CAPSL: variants seen among roughly 807,000 people sequenced by gnomAD.
CAPSL encodes calcyphosine like.
A neutral mutation model predicts 21.3 loss-of-function variants in CAPSL; 17 were observed. The observed-to-expected ratio is 0.80, with a 90% CI of 0.55 to 1.20. The LOEUF (loss-of-function observed/expected upper bound fraction) is 1.20. Among genes scored for constraint, CAPSL ranks in the 50% most tolerant of loss-of-function variants. CAPSL has a pLI of 0.00. For synonymous variants in CAPSL, 102 were observed against 89.3 expected (o/e 1.14, Z -0.80); for missense variants, 289 against 259.3 (o/e 1.11, Z -0.79).
intron 2 of CAPSL, among the ~76,000 whole-genome samples, 187 bp downstream of exon 2, chr5:35,920,797 G>A (rs893833405): frequency 1.3e-5 from 2 of 152,112 alleles, no homozygotes; most frequent in African/African-American, 4.8e-5. Flanking sequence ...CCGAATCTGG[G>A]ACTAAGATCC....
At chr5:35,912,022 C>T (rs555539019) in intron 2 of CAPSL, among the ~76,000 whole-genome samples, 2 of 152,326 alleles carry the variant, frequency 1.3e-5, no homozygotes, top group Non-Finnish European at 2.9e-5. Flanking sequence ...TAATACTATG[C>T]TTTTCCAACA....
chr5:35,930,830 C>T (rs1738802058), intron 1 of CAPSL, among the ~76,000 whole-genome samples: 1 of 152,168 alleles, frequency 6.6e-6, no homozygotes, highest in African/African-American at 2.4e-5. Flanking sequence ...CCACTTTCTA[C>T]TGGGTAGGCA....
At position 35,930,467 on chromosome 5, in the gene CAPSL, T is replaced by A. The variant is rs190179615; in HGVS notation, c.-1+8074A>T. On this transcript the variant is annotated intron_variant, in intron 1 of 4. Transcript: ENST00000651391. The stretch of plus-strand genomic sequence containing the variant: ...TTATTCACTGAACCAGGGTTGGGGC[T>A]AGGGCTAAGTAAGAGAAAGGCACAA... Among the ~76,000 whole-genome samples the A allele has an allele frequency of 2.0e-5, 3 of 152,340 alleles. No individual in the cohort carries two copies. In the East Asian group the frequency reaches 5.8e-4, roughly 29 times the overall value.
chr5:35,915,466 A>G (rs1738353840), intron 2 of CAPSL, among the ~76,000 whole-genome samples: 1 of 152,214 alleles, frequency 6.6e-6, no homozygotes, highest in South Asian at 2.1e-4. Flanking sequence ...CCTCAATAAA[A>G]TACTGGCAAA....
chr5:35,921,469 G>C (rs975660767), intron 1 of CAPSL, among the ~76,000 whole-genome samples: 5 of 152,090 alleles, frequency 3.3e-5, no homozygotes, highest in African/African-American at 4.8e-5. Flanking sequence ...ATTTTATGTA[G>C]AATTTTCCAT....
chr5:35,910,053 T>C lies in CAPSL; in HGVS notation c.338A>G (p.Lys113Arg), dbSNP rs1177182624. The change falls in exon 4 of 5, where the codon AAA becomes AGA. Residue 113 changes from lysine (K) to arginine (R), a missense_variant. Lys to Arg is a conservative substitution (Grantham distance 26). Transcript: ENST00000651391. ...TLRPPMSRAR[K>R]EVIMQAFRKL... ...TCTAAAAGCTTGCATGATTACCTCT[T>C]TTCTGGCTCTGGACATTGGAGGCTA... 2 of 1,611,970 alleles carry C rather than the reference T, an allele frequency of 1.2e-6. No individual in the cohort carries two copies. Among genetic ancestry groups the C allele is most frequent in the Non-Finnish European group, 1.7e-6 (2 of 1,179,310 alleles).
intron 1 of CAPSL, among the ~76,000 whole-genome samples, chr5:35,928,436 A>G (rs759756143): frequency 6.6e-6 from 1 of 152,214 alleles, no homozygotes; most frequent in Non-Finnish European, 1.5e-5. Context: ...TGGCTTCTGC[A>G]GTACACAGAA....
intron 1 of CAPSL, among the ~76,000 whole-genome samples, chr5:35,926,089 A>C (rs113850317): frequency 0.13 from 20,040 of 151,350 alleles, 1,528 homozygotes; most frequent in Non-Finnish European, 0.18. Context: ...AAAAAAAAAA[A>C]AAAAACGAAA....
At chr5:35,937,399 C>G (rs1738978833) in intron 1 of CAPSL, among the ~76,000 whole-genome samples, 1 of 152,198 alleles carries the variant, frequency 6.6e-6, no homozygotes, top group Non-Finnish European at 1.5e-5. Flanking sequence ...TGCATCTCTA[C>G]TCACTCACAT....
chr5:35,938,281 C>T (rs1561447106), intron 1 of CAPSL, among the ~76,000 whole-genome samples: 1 of 152,136 alleles, frequency 6.6e-6, no homozygotes, highest in African/African-American at 2.4e-5. Context: ...TTACTTCCTT[C>T]CCCTTTACTG....
At position 35,910,350 on chromosome 5, in the gene CAPSL, T is replaced by C. The variant is rs372030340; in HGVS notation, c.315+16A>G. On this transcript the variant is annotated intron_variant, in intron 3 of 4. Coordinates refer to ENST00000651391, the MANE Select transcript of CAPSL (RefSeq NM_001042625.2). Reference sequence around the variant, plus strand: ...AGCCAAACTCAGCAGATACACTGATTAATGGGGCCACTTACTCTTAATGTG... The same window carrying C: ...AGCCAAACTCAGCAGATACACTGATCAATGGGGCCACTTACTCTTAATGTG... 1.2e-6 allele frequency: 2 copies of C among 1,610,164 alleles called. No homozygotes were observed. The highest frequency in any genetic ancestry group is 2.7e-5 in the African/African-American group (2 of 74,782).
chr5:35,909,833 G>A, intron 4 of CAPSL, 33 bp downstream of exon 4: 1 of 1,558,748 alleles, frequency 6.4e-7, no homozygotes, highest in Non-Finnish European at 8.7e-7. Flanking sequence ...TCGAATTGAA[G>A]AAATTTCCCC....
intron 2 of CAPSL, among the ~76,000 whole-genome samples, chr5:35,915,670 C>T (rs957151275): frequency 1.3e-5 from 2 of 152,160 alleles, no homozygotes; most frequent in Non-Finnish European, 2.9e-5. Flanking sequence ...ACCCTTCATG[C>T]TAAAAACTCT....
chr5:35,912,086 C>A (rs1738241161), intron 2 of CAPSL, among the ~76,000 whole-genome samples: 1 of 152,116 alleles, frequency 6.6e-6, no homozygotes, highest in Non-Finnish European at 1.5e-5. Context: ...CTCGGAGGAT[C>A]CGACACCCAC....
chr5:35,909,903 A>C lies in CAPSL; in HGVS notation c.488T>G (p.Leu163Arg). The C allele has an allele frequency of 6.2e-7, 1 of 1,613,730 alleles. No homozygotes were observed. Among genetic ancestry groups the C allele is most frequent in the Non-Finnish European group, 8.5e-7 (1 of 1,179,866 alleles). Reference sequence around the variant, plus strand: ...GTCATAGGGTGAATCAAAGTTATCCAGAAATTTCCTAAATACTTGTTCCTC... The same window carrying C: ...GTCATAGGGTGAATCAAAGTTATCCCGAAATTTCCTAAATACTTGTTCCTC... ...WSEEQVFRKF[L>R]DNFDSPYDKD... Residue 163 changes from leucine to arginine, a missense_variant, in exon 4 of 5, where the codon CTG becomes CGG. By Grantham distance (102) the Leu-to-Arg change is moderately radical. Transcript: ENST00000651391.
At position 35,904,549 on chromosome 5, in the gene CAPSL, A is replaced by G. The variant is rs762037423; in HGVS notation, c.623T>C (p.Leu208Pro). The change falls in exon 5 of 5, where the codon CTT (leucine) becomes CCT (proline). Residue 208 changes from leucine (L) to proline (P), a missense_variant. Transcript: ENST00000651391. ...CCTGGTCCCCAGGTCATGTGCTTAA[A>G]GCTTCCAGGCGGTTCTCATCATGAT... ...FIIMMRTAWK[L>P] 10 of 1,613,244 alleles carry G rather than the reference A, an allele frequency of 6.2e-6. No individual in the cohort carries two copies. The highest frequency in any genetic ancestry group is 8.5e-6 in the Non-Finnish European group (10 of 1,179,374).
intron 2 of CAPSL, among the ~76,000 whole-genome samples, chr5:35,915,559 C>T (rs4484457): frequency 0.39 from 58,643 of 152,020 alleles, 13,094 homozygotes; most frequent in East Asian, 0.66. Flanking sequence ...GTTCAACATA[C>T]GCAAATCAAT....
At chr5:35,933,044 T>C (rs1181427563) in intron 1 of CAPSL, among the ~76,000 whole-genome samples, 1 of 152,210 alleles carries the variant, frequency 6.6e-6, no homozygotes, top group Non-Finnish European at 1.5e-5. Flanking sequence ...CTGTGGCGGC[T>C]TTCACATTAC....
intron 1 of CAPSL, among the ~76,000 whole-genome samples, chr5:35,938,241 A>G (rs1170330272): frequency 6.6e-6 from 1 of 152,118 alleles, no homozygotes; most frequent in Non-Finnish European, 1.5e-5. Flanking sequence ...ACACTCAAAT[A>G]CCTAGTACCT....
Sources: gnomAD v4.1 joint callset for allele counts (sites outside exome capture counted in the v4.1 genomes callset) on GRCh38, gnomAD v4.1.1 for gene constraint, MANE v1.5 for transcripts, NCBI Gene and HGNC (gene_info 2026-07-23, HGNC 2026-07-21) for gene names.